The following PRPH2 variants were observed in gnomAD, a reference collection of about 807,000 sequenced individuals.
PRPH2 encodes the protein peripherin 2.
Under a neutral mutation model 31.3 loss-of-function variants are expected in PRPH2, and 17 were observed. The observed-to-expected ratio is 0.54, with a 90% CI of 0.37 to 0.81. The LOEUF (loss-of-function observed/expected upper bound fraction) is 0.81, where lower values mean the gene tolerates loss of function less well. PRPH2 is among the 40% of genes least tolerant of loss of function. The pLI, the probability that PRPH2 is intolerant of heterozygous loss-of-function variation, is 0.00. For synonymous variants in PRPH2, 165 were observed against 184.4 expected (o/e 0.89, Z 0.85); for missense variants, 430 against 439.7 (o/e 0.98, Z 0.20).
chr6:42,704,314 TG>T (rs1280185561), intron 2 of PRPH2, 50 bp downstream of exon 2: 11 of 1,583,470 alleles, frequency 6.9e-6, no homozygotes, highest in Non-Finnish European at 9.4e-6. Flanking sequence ...TAGACCCAAA[TG>T]GGACCGGAGG....
At chr6:42,705,386 C>A (rs1233485773) in intron 1 of PRPH2, among the ~76,000 whole-genome samples, 9 of 151,274 alleles carry the variant, frequency 5.9e-5, no homozygotes, top group African/African-American at 1.9e-4. Flanking sequence ...GGGTGATTAC[C>A]CAGGTGTTTT....
In PRPH2 at chr6:42,704,388, T is replaced by C. The variant is rs1800109581; in HGVS notation, c.805A>G (p.Thr269Ala). Residue 269 changes from threonine to alanine, a missense_variant, in exon 2 of 3, where the codon ACG becomes GCG. Thr to Ala is a moderately conservative substitution (Grantham distance 58, BLOSUM62 0). Transcript: ENST00000230381. Reference sequence around the variant, plus strand: ...ACCTCGAAGAGCCAAATGAGGAGCGTGACGACACCCATGGAGTTCATGAGG... The same window carrying C: ...ACCTCGAAGAGCCAAATGAGGAGCGCGACGACACCCATGGAGTTCATGAGG... ...SSLMNSMGVV[T>A]LLIWLFEVTI... 6.2e-7 allele frequency: 1 copy of C among 1,609,488 alleles called. No homozygotes were observed. The highest frequency in any genetic ancestry group is 1.7e-5 in the Admixed American group (1 of 59,188).
chr6:42,705,033 G>A (rs988199764), intron 1 of PRPH2, among the ~76,000 whole-genome samples: 4 of 152,174 alleles, frequency 2.6e-5, no homozygotes, highest in African/African-American at 9.7e-5. Context: ...GTCACTGGTG[G>A]CCAAGGCCCT....
At chr6:42,704,797 C>T (rs1415906628) in intron 1 of PRPH2, among the ~76,000 whole-genome samples, 186 bp from the exon 2 acceptor site, 1 of 152,230 alleles carries the variant, frequency 6.6e-6, no homozygotes, top group Non-Finnish European at 1.5e-5. Flanking sequence ...TGAATAAATG[C>T]CCCTGCCTTC....
chr6:42,715,805 A>G (rs1761766488), intron 1 of PRPH2, among the ~76,000 whole-genome samples: 1 of 152,140 alleles, frequency 6.6e-6, no homozygotes, highest in African/African-American at 2.4e-5. Context: ...CCCCTGAGAA[A>G]TCTCCAAAAC....
Position 42,698,533 on chromosome 6 carries a change from G to A in PRPH2, c.829-26C>T, listed in dbSNP as rs1799990614. Reference sequence around the variant, plus strand: ...CTGGTGGTGGGAGAGGAGATTTAGAGGCAATCTGGGAGAATCGCTGGGAGC... The same window carrying A: ...CTGGTGGTGGGAGAGGAGATTTAGAAGCAATCTGGGAGAATCGCTGGGAGC... On this transcript the variant is annotated intron_variant, in intron 2 of 2. Transcript: ENST00000230381. 4 of 1,613,768 alleles carry A rather than the reference G, an allele frequency of 2.5e-6. No individual in the cohort carries two copies. The South Asian group carries it at 3.3e-5, about 13-fold the overall frequency.
At chr6:42,711,345 C>T (rs1761637134) in intron 1 of PRPH2, among the ~76,000 whole-genome samples, 1 of 152,190 alleles carries the variant, frequency 6.6e-6, no homozygotes, top group African/African-American at 2.4e-5. Flanking sequence ...TAGCAGCTCA[C>T]AGTGAAGTAA....
At chr6:42,720,933 C>T (rs1453018926) in intron 1 of PRPH2, among the ~76,000 whole-genome samples, 1 of 152,232 alleles carries the variant, frequency 6.6e-6, no homozygotes, top group African/African-American at 2.4e-5. Flanking sequence ...CTCTCTCTCA[C>T]CAGCACCTCC....
In PRPH2 at chr6:42,705,600, ATATATATATATAT is replaced by A. The variant is rs1473380201; in HGVS notation, c.582-1002_582-990del. On this transcript the variant is annotated intron_variant, in intron 1 of 2. Transcript: ENST00000230381. The stretch of plus-strand genomic sequence containing the variant: ...AAAAAAAAAAAAAAAAAAAAAAAAA[ATATATATATATAT>A]ATATATATATATATATATTTGTGCA... 1.9e-3 allele frequency among the ~76,000 whole-genome samples: 7 copies of A among 3,684 alleles called. 1 individual carries two copies. Among genetic ancestry groups the A allele is most frequent in the East Asian group, 6.8e-3 (1 of 146 alleles). The allele number at this position is 3,684 out of a possible 152,430, so 2.4% of individuals were successfully genotyped here. A position where few individuals can be genotyped will look rare whatever the true frequency, so the allele number is the denominator to read the frequency against.
At chr6:42,707,433 C>T (rs1267711499) in intron 1 of PRPH2, among the ~76,000 whole-genome samples, 2 of 152,090 alleles carry the variant, frequency 1.3e-5, no homozygotes, top group African/African-American at 4.8e-5. Flanking sequence ...AAAGGGTGAT[C>T]TTGCCAGATA....
At chr6:42,702,255 A>AT (rs1356072299) in intron 2 of PRPH2, among the ~76,000 whole-genome samples, 1 of 151,222 alleles carries the variant, frequency 6.6e-6, no homozygotes, top group African/African-American at 2.4e-5. Flanking sequence ...AAAAAAAAAA[A>AT]GGCGGCTTCC....
intron 1 of PRPH2, among the ~76,000 whole-genome samples, chr6:42,706,576 G>A (rs1262300092): frequency 8.5e-6 from 1 of 117,958 alleles, no homozygotes; most frequent in Admixed American, 8.8e-5. Context: ...GTGAGACTCT[G>A]TCTCAAAAAA....
intron 1 of PRPH2, 90 bp from the exon 2 acceptor site, chr6:42,704,701 A>G: frequency 1.3e-6 from 2 of 1,571,476 alleles, no homozygotes; most frequent in South Asian, 2.2e-5. Context: ...GAAACCTAGA[A>G]TAGTCATTCA....
chr6:42,704,600 C>T lies in PRPH2; in HGVS notation c.593G>A (p.Ser198Asn). 3 of 1,614,208 alleles carry T rather than the reference C, an allele frequency of 1.9e-6. No homozygotes were observed. The highest frequency in any genetic ancestry group is 2.2e-5 in the South Asian group (2 of 91,086). Residue 198 changes from serine to asparagine, a missense_variant, in exon 2 of 3, where the codon AGC becomes AAC. Coordinates refer to ENST00000230381, the MANE Select transcript of PRPH2 (RefSeq NM_000322.5). ...CACCAGGTACCGCCCATCCACGTTGCTCTTGATTCGACTTAAAGGGAAACA... is the reference window on the plus strand; with the variant it reads ...CACCAGGTACCGCCCATCCACGTTGTTCTTGATTCGACTTAAAGGGAAACA... ...SSKEVKDRIK[S>N]NVDGRYLVDG...
chr6:42,698,595 G>A (rs1799991439), intron 2 of PRPH2, 88 bp from the exon 3 acceptor site: 2 of 1,565,410 alleles, frequency 1.3e-6, no homozygotes, highest in Middle Eastern at 1.7e-4. Context: ...TCAAATTGAG[G>A]GTCCCAGAGA....
intron 2 of PRPH2, among the ~76,000 whole-genome samples, chr6:42,699,354 G>T (rs974755123): frequency 6.6e-6 from 1 of 151,986 alleles, no homozygotes; most frequent in African/African-American, 2.4e-5. Flanking sequence ...GAGCCACCAT[G>T]CCCAGCCCTT....
intron 1 of PRPH2, among the ~76,000 whole-genome samples, chr6:42,716,962 CTTTTTTTTTTT>C (rs1161769235): frequency 2.2e-5 from 1 of 45,188 alleles, no homozygotes; most frequent in Non-Finnish European, 3.8e-5. Context: ...TCTTTCTTTT[CTTTTTTTTTTT>C]TTTTTTTTTT....
chr6:42,717,196 TG>T (rs1761804736), intron 1 of PRPH2, among the ~76,000 whole-genome samples: 1 of 150,684 alleles, frequency 6.6e-6, no homozygotes, highest in African/African-American at 2.4e-5. Context: ...GTGGATCACT[TG>T]AGGTTAGGAG....
chr6:42,704,542 G>C lies in PRPH2; in HGVS notation c.651C>G (p.Ser217Arg), dbSNP rs145953097. The part of the protein sequence containing the change: ...DGVPFSCCNP[S>R]SPRPCIQYQI... ...GATACTGGATGCAGGGCCGTGGCGA[G>C]CTAGGATTGCAGCAGCTGAAAGGGA... The change falls in exon 2 of 3, where the codon AGC (serine) becomes AGG (arginine). Residue 217 changes from serine (S) to arginine (R), a missense_variant. Transcript: ENST00000230381. The C allele has an allele frequency of 1.2e-6, 2 of 1,614,068 alleles. No individual in the cohort carries two copies. Among genetic ancestry groups the C allele is most frequent in the African/African-American group, 1.3e-5 (1 of 74,918 alleles).
Sources: allele counts gnomAD v4.1 joint callset (sites outside exome capture counted in the v4.1 genomes callset), GRCh38; gene constraint gnomAD v4.1.1; transcripts MANE v1.5; gene names NCBI Gene and HGNC (gene_info 2026-07-23, HGNC 2026-07-21).